Variants in CAMK1D observed in about 807,000 individuals in gnomAD.
CAMK1D encodes calcium/calmodulin dependent protein kinase ID.
Under a neutral mutation model 47.7 loss-of-function variants are expected in CAMK1D, and 9 were observed. The observed-to-expected ratio is 0.19, with a 90% CI of 0.11 to 0.33. The LOEUF (loss-of-function observed/expected upper bound fraction) is 0.33. CAMK1D is among the 10% of genes least tolerant of loss of function. CAMK1D has a pLI of 1.00. For missense variants in CAMK1D, 291 were observed against 488.7 expected (o/e 0.60, Z 3.81); for synonymous variants, 184 against 184.9 (o/e 0.99, Z 0.04).
At chr10:12,817,519 T>C (rs1832847027) in intron 8 of CAMK1D, among the ~76,000 whole-genome samples, 1 of 152,220 alleles carries the variant, frequency 6.6e-6, no homozygotes, top group African/African-American at 2.4e-5. Context: ...CTAGCTGCGA[T>C]GCTAGGTTTA....
intron 2 of CAMK1D, among the ~76,000 whole-genome samples, chr10:12,599,465 A>C (rs1838239641): frequency 6.6e-6 from 1 of 152,208 alleles, no homozygotes; most frequent in South Asian, 2.1e-4. Flanking sequence ...ATCAGAGAGT[A>C]GGCAGTGCAC....
intron 1 of CAMK1D, among the ~76,000 whole-genome samples, chr10:12,376,691 C>T (rs1371766815): frequency 3.9e-5 from 6 of 152,062 alleles, no homozygotes; most frequent in African/African-American, 9.7e-5. Context: ...CCCACCTGCT[C>T]ACACTCCTGA....
chr10:12,577,754 C>G (rs536275056), intron 2 of CAMK1D, among the ~76,000 whole-genome samples: 2 of 152,222 alleles, frequency 1.3e-5, no homozygotes, highest in African/African-American at 4.8e-5. Context: ...TGCCCCATAA[C>G]GGGGTATGAT....
At chr10:12,728,300 T>G (rs973633236) in intron 3 of CAMK1D, among the ~76,000 whole-genome samples, 4 of 152,242 alleles carry the variant, frequency 2.6e-5, no homozygotes, top group African/African-American at 9.6e-5. Context: ...GCTAACATCT[T>G]GCAGGGACAG....
intron 1 of CAMK1D, among the ~76,000 whole-genome samples, chr10:12,378,809 CTTTTCTT>C (rs1838258612): frequency 8.9e-6 from 1 of 111,884 alleles, no homozygotes; most frequent in Non-Finnish European, 1.7e-5. Flanking sequence ...TTTTCTTTTT[CTTTTCTT>C]TTTTTTTTTT....
chr10:12,387,445 T>TTATATATTTTATATATTATATATATTTTA (rs1838558957), intron 1 of CAMK1D, among the ~76,000 whole-genome samples: 3 of 66,660 alleles, frequency 4.5e-5, no homozygotes, highest in Non-Finnish European at 6.5e-5. Flanking sequence ...TATATATATT[T>TTATATATTTTATATATTATATATATTTTA]TATATATATA....
chr10:12,598,155 A>C (rs771579920), intron 2 of CAMK1D, among the ~76,000 whole-genome samples: 1 of 152,216 alleles, frequency 6.6e-6, no homozygotes, highest in Non-Finnish European at 1.5e-5. Context: ...CTTGATTTTC[A>C]GTGTTGCCAC....
intron 1 of CAMK1D, among the ~76,000 whole-genome samples, chr10:12,360,526 T>G (rs1442964289): frequency 6.6e-6 from 1 of 152,166 alleles, no homozygotes; most frequent in Non-Finnish European, 1.5e-5. Flanking sequence ...TGCTTCAAAT[T>G]TGCCTTAAAA....
Position 12,834,569 on chromosome 10 carries a change from C to T in CAMK1D, c.*5682C>T, listed in dbSNP as rs1158039618. 6.6e-6 allele frequency: 1 copy of T among 152,168 alleles called. No homozygotes were observed. Among genetic ancestry groups the T allele is most frequent in the African/African-American group, 2.4e-5 (1 of 41,440 alleles). The allele number at this position is 152,168 out of a possible 1,614,324, so 9.4% of individuals were successfully genotyped here. A position where few individuals can be genotyped will look rare whatever the true frequency, so the allele number is the denominator to read the frequency against. ...TGCATTCACCCTTTGTACTATAACACCGCTTCTGCATTCGCCATATCCGTT... is the reference window on the plus strand; with the variant it reads ...TGCATTCACCCTTTGTACTATAACATCGCTTCTGCATTCGCCATATCCGTT... On this transcript the variant is annotated 3_prime_UTR_variant, in exon 11 of 11. Transcript: ENST00000619168.
chr10:12,360,184 A>G (rs1837617750), intron 1 of CAMK1D, among the ~76,000 whole-genome samples: 1 of 152,198 alleles, frequency 6.6e-6, no homozygotes. Flanking sequence ...TGACCACAAC[A>G]CAGATCACTG....
At chr10:12,729,793 G>A (rs576484803) in intron 3 of CAMK1D, among the ~76,000 whole-genome samples, 2 of 152,298 alleles carry the variant, frequency 1.3e-5, no homozygotes, top group African/African-American at 2.4e-5. Context: ...TTGCAGGCAG[G>A]GGGAATGGTA....
At chr10:12,757,994 G>A (rs981585692) in intron 3 of CAMK1D, among the ~76,000 whole-genome samples, 2 of 151,714 alleles carry the variant, frequency 1.3e-5, no homozygotes, top group Non-Finnish European at 2.9e-5. Context: ...TGGGAGTACC[G>A]GCACCCGCCA....
intron 3 of CAMK1D, among the ~76,000 whole-genome samples, chr10:12,698,705 G>A (rs542891000): frequency 2.7e-4 from 36 of 134,890 alleles, no homozygotes; most frequent in Non-Finnish European, 5.1e-4. Flanking sequence ...ACGGAGTGTC[G>A]CTCTGTCACC....
At chr10:12,365,914 G>T (rs1156931327) in intron 1 of CAMK1D, among the ~76,000 whole-genome samples, 3 of 152,196 alleles carry the variant, frequency 2.0e-5, no homozygotes, top group African/African-American at 4.8e-5. Flanking sequence ...AAATTAGCTG[G>T]GCGTGGTGGC....
chr10:12,554,670 A>G (rs2249796), intron 2 of CAMK1D, among the ~76,000 whole-genome samples: 134,789 of 151,336 alleles, frequency 0.89, 60,440 homozygotes, highest in Non-Finnish European at 0.95. Context: ...CTGAGTAGCT[A>G]GGACTGTAGG....
chr10:12,477,643 G>A (rs144074892), intron 1 of CAMK1D, among the ~76,000 whole-genome samples: 123 of 152,302 alleles, frequency 8.1e-4, no homozygotes, highest in Non-Finnish European at 1.2e-3. Flanking sequence ...ACATGGGCCA[G>A]GGAAGTGGAG....
chr10:12,459,427 G>T (rs1270642751), intron 1 of CAMK1D, among the ~76,000 whole-genome samples: 2 of 152,016 alleles, frequency 1.3e-5, no homozygotes, highest in African/African-American at 4.8e-5. Context: ...AGACATTACT[G>T]TGACGAGTCT....
intron 3 of CAMK1D, among the ~76,000 whole-genome samples, chr10:12,745,050 C>T (rs1835600628): frequency 6.6e-6 from 1 of 152,240 alleles, no homozygotes; most frequent in Admixed American, 6.5e-5. Flanking sequence ...TGGACTCCCT[C>T]ATTGAACAGT....
At chr10:12,419,284 A>G (rs755351521) in intron 1 of CAMK1D, among the ~76,000 whole-genome samples, 1 of 152,144 alleles carries the variant, frequency 6.6e-6, no homozygotes, top group Non-Finnish European at 1.5e-5. Context: ...AGAGTGAGAA[A>G]ACCAAACTCA....
Sources: gnomAD v4.1 joint callset for allele counts (sites outside exome capture counted in the v4.1 genomes callset) on GRCh38, gnomAD v4.1.1 for gene constraint, MANE v1.5 for transcripts, NCBI Gene and HGNC (gene_info 2026-07-23, HGNC 2026-07-21) for gene names.